The following TMEM120A variants were observed in gnomAD, a reference collection of about 807,000 sequenced individuals.
TMEM120A encodes transmembrane protein 120A.
Under a neutral mutation model 54.3 loss-of-function variants are expected in TMEM120A, and 45 were observed. That is an observed-to-expected ratio of 0.83 (90% CI 0.65 to 1.06). The LOEUF (loss-of-function observed/expected upper bound fraction) is 1.06, where lower values mean the gene tolerates loss of function less well. Ranked by LOEUF, TMEM120A falls within the 50% of genes least tolerant of loss-of-function variation. The pLI is 0.00. For synonymous variants in TMEM120A, 204 were observed against 178.5 expected (o/e 1.14, Z -1.14); for missense variants, 424 against 441.7 (o/e 0.96, Z 0.36).
intron 3 of TMEM120A, 126 bp from the exon 4 acceptor site, chr7:75,989,350 G>A (rs1269133743): frequency 1.0e-5 from 7 of 701,216 alleles, no homozygotes; most frequent in Non-Finnish European, 1.5e-5. Flanking sequence ...TTTCCGCAGG[G>A]CCTTGGCATC....
chr7:75,991,193 G>A (rs1789832065), intron 3 of TMEM120A, among the ~76,000 whole-genome samples: 1 of 151,956 alleles, frequency 6.6e-6, no homozygotes, highest in African/African-American at 2.4e-5. Context: ...CGTCCTCCTG[G>A]GTGACAGCTG....
intron 11 of TMEM120A, 21 bp downstream of exon 11, chr7:75,987,339 T>C (rs537132953): frequency 7.7e-6 from 12 of 1,563,452 alleles, no homozygotes; most frequent in Middle Eastern, 1.7e-4. Context: ...CCATCCATCC[T>C]GTCCAGGGAC....
Position 75,987,652 on chromosome 7 carries a change from C to T in TMEM120A, c.785-50G>A, listed in dbSNP as rs782420790. The stretch of plus-strand genomic sequence containing the variant: ...AGGACGGCCAGGGACAGAGGGGACG[C>T]TACCACTCAGACCCGGGATGGGAGG... On this transcript the variant is annotated intron_variant, in intron 9 of 11. Coordinates refer to ENST00000493111, the MANE Select transcript of TMEM120A (RefSeq NM_031925.3). The T allele has an allele frequency of 1.0e-5, 16 of 1,604,836 alleles. No individual in the cohort carries two copies. The South Asian group carries it at 1.8e-4, about 18-fold the overall frequency.
Position 75,989,061 on chromosome 7 carries a change from C to CCGGGTTG in TMEM120A, c.377+103_377+104insCAACCCG. On this transcript the variant is annotated intron_variant, in intron 4 of 11. Transcript: ENST00000493111. ...GGGGGGTGGAGGGGAAGGCCGGGTT[C>CCGGGTTG]CGGGGGAAGGCTGGGTGGAGGGGTG... is the stretch of plus-strand genomic sequence containing the variant. The CCGGGTTG allele has an allele frequency of 9.6e-5, 7 of 72,836 alleles. 1 individual carries two copies. The highest frequency in any genetic ancestry group is 2.0e-4 in the Non-Finnish European group (5 of 25,416). 4.5% of individuals were successfully genotyped at this position (72,836 alleles called of 1,614,324 possible).
intron 3 of TMEM120A, 88 bp downstream of exon 3, chr7:75,992,056 T>C: frequency 3.2e-6 from 3 of 947,718 alleles, no homozygotes; most frequent in Non-Finnish European, 4.9e-6. Context: ...CCAGGGAACA[T>C]TTGCTGACTA....
Position 75,988,530 on chromosome 7 carries a change from G to A in TMEM120A, c.378-14C>T. ...TTGTAGGCAAACCTGGGGGGCGCAGGCCGGTGAGACGGGTGGGGTGCTGGT... is the reference window on the plus strand; with the variant it reads ...TTGTAGGCAAACCTGGGGGGCGCAGACCGGTGAGACGGGTGGGGTGCTGGT... On this transcript the variant is annotated splice_polypyrimidine_tract_variant and intron_variant, in intron 4 of 11. Coordinates refer to ENST00000493111, the MANE Select transcript of TMEM120A (RefSeq NM_031925.3). The A allele has an allele frequency of 1.3e-6, 2 of 1,594,136 alleles. No individual in the cohort carries two copies. Among genetic ancestry groups the A allele is most frequent in the Non-Finnish European group, 1.7e-6 (2 of 1,170,846 alleles).
intron 3 of TMEM120A, 98 bp from the exon 4 acceptor site, chr7:75,989,322 CA>C: frequency 1.3e-6 from 1 of 792,648 alleles, no homozygotes. Context: ...GCCACCACCC[CA>C]CCCCCTCACC....
chr7:75,989,705 G>C (rs1789761006), intron 3 of TMEM120A, among the ~76,000 whole-genome samples: 1 of 151,928 alleles, frequency 6.6e-6, no homozygotes, highest in Non-Finnish European at 1.5e-5. Context: ...TCAGAGCTCT[G>C]ACTGTGGGCT....
Position 75,988,495 on chromosome 7 carries a change from A to C in TMEM120A, c.399T>G (p.Tyr133Ter). 1.7e-5 allele frequency: 27 copies of C among 1,605,644 alleles called. No individual in the cohort carries two copies. The highest frequency in any genetic ancestry group is 1.7e-4 in the Middle Eastern group (1 of 5,782). Residue 133 changes from tyrosine (Y) to a stop codon, truncating the protein, a stop_gained, in exon 5 of 12, where the codon TAT becomes TAG. Coordinates refer to ENST00000493111, the MANE Select transcript of TMEM120A (RefSeq NM_031925.3). LOFTEE classifies it high-confidence loss of function. ...TGGTGAGGTAGAGCTTGAACTTCTCATACTCGTCCTTGTAGGCAAACCTGG... is the reference window on the plus strand; with the variant it reads ...TGGTGAGGTAGAGCTTGAACTTCTCCTACTCGTCCTTGTAGGCAAACCTGG... ...KQAKFAYKDE[Y>*]EKFKLYLTII...
intron 1 of TMEM120A, among the ~76,000 whole-genome samples, chr7:75,993,200 A>C (rs1247060222): frequency 6.6e-6 from 1 of 152,032 alleles, no homozygotes; most frequent in Non-Finnish European, 1.5e-5. Flanking sequence ...CCCCAGGGCC[A>C]CCTCCTGGAC....
rs373056012 is a variant in TMEM120A, at chr7:75,990,340, T to A, written c.318-1116A>T. Among the ~76,000 whole-genome samples, 14 of 152,162 alleles carry A rather than the reference T, an allele frequency of 9.2e-5. No homozygotes were observed. In the East Asian group the frequency reaches 1.9e-3, roughly 21 times the overall value. ...GCCAGGAGCACTGTGCCGGGAGCACTCCTCACTCTCATCTCTGCACCCTCC... is the reference window on the plus strand; with the variant it reads ...GCCAGGAGCACTGTGCCGGGAGCACACCTCACTCTCATCTCTGCACCCTCC... On this transcript the variant is annotated intron_variant, in intron 3 of 11. Transcript: ENST00000493111.
In TMEM120A at chr7:75,989,107, GGTAGGGGGCTAGGGGT is replaced by G. The variant is rs1458136679; in HGVS notation, c.377+42_377+57del. On this transcript the variant is annotated intron_variant, in intron 4 of 11. Coordinates refer to ENST00000493111, the MANE Select transcript of TMEM120A (RefSeq NM_031925.3). ...GGGTGGAGGTTGAGGGGGGGAGGGGGGTAGGGGGCTAGGGGTGGAGGGGTGGAGGTTGGGGGGTGGA... is the reference window on the plus strand; with the variant it reads ...GGGTGGAGGTTGAGGGGGGGAGGGGGGGAGGGGTGGAGGTTGGGGGGTGGA... The G allele has an allele frequency of 6.2e-3, 1,631 of 261,112 alleles. 98 individuals are homozygous for G. The highest frequency in any genetic ancestry group is 0.047 in the South Asian group (1,292 of 27,700). 16.2% of individuals were successfully genotyped at this position (261,112 alleles called of 1,614,324 possible). A position where few individuals can be genotyped will look rare whatever the true frequency, so the allele number is the denominator to read the frequency against.
chr7:75,987,306 G>A, intron 11 of TMEM120A, 21 bp from the exon 12 acceptor site: 2 of 1,580,102 alleles, frequency 1.3e-6, no homozygotes, highest in South Asian at 1.2e-5. Flanking sequence ...AATAGGGTGA[G>A]GGCTGGACAT....
chr7:75,987,247 G>A lies in TMEM120A; in HGVS notation c.957C>T (p.Leu319=), dbSNP rs1282503347. The A allele has an allele frequency of 1.4e-5, 23 of 1,607,502 alleles. No individual in the cohort carries two copies. Among genetic ancestry groups the A allele is most frequent in the East Asian group, 4.5e-5 (2 of 44,696 alleles). ...CCCTCAGGGTGGTGAAGAAATTGCC[G>A]AGGAAAAGGAGGAGGAAGGGAAAGC... ...MCGFPFLLLF[L]GNFFTTLRVV... Residue 319 remains leucine, a synonymous_variant, in exon 12 of 12, where the codon CTC becomes CTT. Coordinates refer to ENST00000493111, the MANE Select transcript of TMEM120A (RefSeq NM_031925.3).
chr7:75,992,643 C>A, intron 1 of TMEM120A, 86 bp from the exon 2 acceptor site: 1 of 989,858 alleles, frequency 1.0e-6, no homozygotes, highest in Non-Finnish European at 1.5e-6. Context: ...CAGGCTCCCC[C>A]AGGGCTGCTG....
intron 3 of TMEM120A, 117 bp downstream of exon 3, chr7:75,992,027 T>A (rs1789861726): frequency 2.9e-6 from 2 of 697,500 alleles, no homozygotes; most frequent in South Asian, 3.9e-5. Context: ...TGTGCCTCAT[T>A]GCTCAGCCTG....
At chr7:75,992,044 G>T in intron 3 of TMEM120A, 100 bp downstream of exon 3, 1 of 826,820 alleles carries the variant, frequency 1.2e-6, no homozygotes, top group Non-Finnish European at 2.0e-6. Flanking sequence ...CCTGTACTGG[G>T]CCCAGGGAAC....
intron 3 of TMEM120A, among the ~76,000 whole-genome samples, chr7:75,991,231 G>A (rs950244725): frequency 2.0e-5 from 3 of 151,808 alleles, no homozygotes; most frequent in Non-Finnish European, 4.4e-5. Context: ...ACATTCCACC[G>A]CCCCCGCCCG....
In TMEM120A at chr7:75,992,484, G is replaced by C; in HGVS notation, c.155C>G (p.Thr52Arg). Reference protein sequence around the residue: ...KLQNNCTSSITRQKKRLQELA... With the variant: ...KLQNNCTSSIRRQKKRLQELA... ...CTCCTGGAGCCGCTTCTTCTGCCGCGTGATGGAGCTGGTGCAATTGTTCTG... is the reference window on the plus strand; with the variant it reads ...CTCCTGGAGCCGCTTCTTCTGCCGCCTGATGGAGCTGGTGCAATTGTTCTG... Residue 52 changes from threonine to arginine, a missense_variant, in exon 2 of 12, where the codon ACG becomes AGG. Physicochemically the swap from Thr to Arg is moderately conservative, Grantham distance 71. Coordinates refer to ENST00000493111, the MANE Select transcript of TMEM120A (RefSeq NM_031925.3). 6.3e-7 allele frequency: 1 copy of C among 1,598,440 alleles called. No homozygotes were observed. The highest frequency in any genetic ancestry group is 2.3e-5 in the East Asian group (1 of 44,192).
Sources: gnomAD v4.1 joint callset for allele counts (sites outside exome capture counted in the v4.1 genomes callset) on GRCh38, gnomAD v4.1.1 for gene constraint, MANE v1.5 for transcripts, NCBI Gene and HGNC (gene_info 2026-07-23, HGNC 2026-07-21) for gene names.